Variants in SRGAP1 observed in about 807,000 individuals in gnomAD.
SRGAP1 encodes the protein SLIT-ROBO Rho GTPase activating protein 1.
In SRGAP1, 43 loss-of-function variants were observed where a neutral mutation model predicts 121.9. The ratio of observed to expected loss-of-function variants is 0.35; its 90% CI spans 0.28 to 0.46. The LOEUF is 0.46. Among genes scored for constraint, SRGAP1 ranks in the 20% least tolerant of loss-of-function variants. The pLI is 1.00. For missense variants in SRGAP1, 1,102 were observed against 1,350.9 expected (o/e 0.82, Z 2.89); for synonymous variants, 447 against 485.4 (o/e 0.92, Z 1.04).
chr12:64,131,749 G>A (rs531790737), intron 21 of SRGAP1, among the ~76,000 whole-genome samples: 8 of 152,290 alleles, frequency 5.3e-5, no homozygotes, highest in South Asian at 4.1e-4. Flanking sequence ...TGCACGACCC[G>A]CTTTATGGCT....
At chr12:64,024,185 A>T (rs576269761) in intron 4 of SRGAP1, among the ~76,000 whole-genome samples, 29 of 152,280 alleles carry the variant, frequency 1.9e-4, no homozygotes, top group African/African-American at 7.0e-4. Context: ...TAATCCCAGC[A>T]CTTTGAGAGG....
chr12:63,999,344 G>A (rs1188291321), intron 3 of SRGAP1, among the ~76,000 whole-genome samples: 1 of 152,200 alleles, frequency 6.6e-6, no homozygotes, highest in Non-Finnish European at 1.5e-5. Context: ...AAACACGATA[G>A]TGACGTGATC....
Position 64,146,082 on chromosome 12 carries a change from A to G in SRGAP1, c.*3410A>G, listed in dbSNP as rs969652263. 1.3e-5 allele frequency: 2 copies of G among 152,188 alleles called. No homozygotes were observed. Among genetic ancestry groups the G allele is most frequent in the Non-Finnish European group, 2.9e-5 (2 of 68,068 alleles). The allele number at this position is 152,188 out of a possible 1,614,324, so 9.4% of individuals were successfully genotyped here. A position where few individuals can be genotyped will look rare whatever the true frequency, so the allele number is the denominator to read the frequency against. On this transcript the variant is annotated 3_prime_UTR_variant, in exon 22 of 22. Coordinates refer to ENST00000355086, the MANE Select transcript of SRGAP1 (RefSeq NM_020762.4). Reference sequence around the variant, plus strand: ...TTGGGGAGTGGATTTGGGGATAGAGAGAAAGGTGTACTTAGTACACATTTT... The same window carrying G: ...TTGGGGAGTGGATTTGGGGATAGAGGGAAAGGTGTACTTAGTACACATTTT...
In SRGAP1 at chr12:64,111,947, G is replaced by A; in HGVS notation, c.2105G>A (p.Gly702Asp). 6.2e-7 allele frequency: 1 copy of A among 1,613,880 alleles called. No homozygotes were observed. Among genetic ancestry groups the A allele is most frequent in the Non-Finnish European group, 8.5e-7 (1 of 1,179,930 alleles). ...TTCCCAGATGCTAAAGAGCTGGATGGCCCTGTTTATGAGAAATGTATGGCT... is the reference window on the plus strand; with the variant it reads ...TTCCCAGATGCTAAAGAGCTGGATGACCCTGTTTATGAGAAATGTATGGCT... ...TIFPDAKELD[G>D]PVYEKCMAGD... The change falls in exon 17 of 22, where the codon GGC becomes GAC. Residue 702 changes from glycine (G) to aspartate (D), a missense_variant. Coordinates refer to ENST00000355086, the MANE Select transcript of SRGAP1 (RefSeq NM_020762.4).
At chr12:64,120,280 T>C (rs1291881010) in intron 18 of SRGAP1, among the ~76,000 whole-genome samples, 2 of 152,152 alleles carry the variant, frequency 1.3e-5, no homozygotes, top group Non-Finnish European at 2.9e-5. Context: ...TGTACAGATT[T>C]CTTGGAACTT....
chr12:64,020,755 A>G (rs1383742948), intron 4 of SRGAP1, among the ~76,000 whole-genome samples: 1 of 150,966 alleles, frequency 6.6e-6, no homozygotes, highest in Admixed American at 6.6e-5. Flanking sequence ...AGGCAGGACA[A>G]TCGCTTGAAC....
At chr12:64,122,103 G>A (rs1411530900) in intron 18 of SRGAP1, among the ~76,000 whole-genome samples, 2 of 152,178 alleles carry the variant, frequency 1.3e-5, no homozygotes, top group African/African-American at 4.8e-5. Context: ...AAGAGAAAGT[G>A]TGATCACATT....
chr12:63,942,008 G>T (rs909416364), intron 1 of SRGAP1, among the ~76,000 whole-genome samples: 1 of 152,158 alleles, frequency 6.6e-6, no homozygotes, highest in South Asian at 2.1e-4. Context: ...AAAACAAGAG[G>T]AAGTGTGTGC....
intron 1 of SRGAP1, among the ~76,000 whole-genome samples, chr12:63,945,932 A>AGTTCACCCACACATACCTTCCTATCTG (rs1434255089): frequency 8.6e-5 from 13 of 151,048 alleles, no homozygotes; most frequent in Admixed American, 2.0e-4. Flanking sequence ...CTTTCTACCT[A>AGTTCACCCACACATACCTTCCTATCTG]GTTCACCCAC....
chr12:64,109,955 G>C (rs2036405231), intron 16 of SRGAP1, among the ~76,000 whole-genome samples: 1 of 152,048 alleles, frequency 6.6e-6, no homozygotes, highest in Non-Finnish European at 1.5e-5. Context: ...TGTTGGCAGA[G>C]AACCATACAG....
At chr12:64,081,518 A>G (rs1350526891) in intron 10 of SRGAP1, 1 of 152,160 alleles carries the variant, frequency 6.6e-6, no homozygotes, top group Admixed American at 6.5e-5. Flanking sequence ...TCATTAAAAA[A>G]TAAAATAACC....
chr12:63,941,381 G>C (rs976055306), intron 1 of SRGAP1, among the ~76,000 whole-genome samples: 1 of 151,844 alleles, frequency 6.6e-6, no homozygotes, highest in Non-Finnish European at 1.5e-5. Flanking sequence ...GTTTTTTTAT[G>C]GTTAAAAAAT....
chr12:63,934,174 C>A (rs1246302606), intron 1 of SRGAP1, among the ~76,000 whole-genome samples: 2 of 152,122 alleles, frequency 1.3e-5, no homozygotes, highest in Non-Finnish European at 2.9e-5. Flanking sequence ...AATTCTTGCC[C>A]ACATGGAAGC....
At chr12:64,020,187 A>G (rs1401642963) in intron 4 of SRGAP1, among the ~76,000 whole-genome samples, 1 of 152,190 alleles carries the variant, frequency 6.6e-6, no homozygotes, top group African/African-American at 2.4e-5. Flanking sequence ...CTCAGGAAGG[A>G]GAATAGAGAG....
intron 15 of SRGAP1, among the ~76,000 whole-genome samples, chr12:64,102,831 C>A (rs2036280170): frequency 6.6e-6 from 1 of 152,060 alleles, no homozygotes; most frequent in Admixed American, 6.6e-5. Flanking sequence ...TACCAAGTGA[C>A]CACTAATGGA....
chr12:64,021,594 C>T (rs1250703553), intron 4 of SRGAP1, among the ~76,000 whole-genome samples: 1 of 152,102 alleles, frequency 6.6e-6, no homozygotes, highest in Non-Finnish European at 1.5e-5. Context: ...AGAGCCTCTA[C>T]CCTTTACTGT....
chr12:63,853,095 C>T (rs1357786449), intron 1 of SRGAP1, among the ~76,000 whole-genome samples: 2 of 151,768 alleles, frequency 1.3e-5, no homozygotes, highest in Non-Finnish European at 2.9e-5. Context: ...TCTTGGCTCA[C>T]TGCAACCTCC....
chr12:63,955,855 A>G (rs904636946), intron 1 of SRGAP1, among the ~76,000 whole-genome samples: 1 of 152,122 alleles, frequency 6.6e-6, no homozygotes, highest in African/African-American at 2.4e-5. Flanking sequence ...TTTAATGACT[A>G]TTATTTTGCC....
intron 1 of SRGAP1, among the ~76,000 whole-genome samples, chr12:63,941,442 G>C (rs74099394): frequency 7.9e-5 from 12 of 152,066 alleles, no homozygotes; most frequent in African/African-American, 2.7e-4. Flanking sequence ...AATGTATCTC[G>C]AGAATGTCTG....
Sources: gnomAD v4.1 joint callset for allele counts (sites outside exome capture counted in the v4.1 genomes callset) on GRCh38, gnomAD v4.1.1 for gene constraint, MANE v1.5 for transcripts, NCBI Gene and HGNC (gene_info 2026-07-23, HGNC 2026-07-21) for gene names.